SF3B1: variants seen among roughly 807,000 people sequenced by gnomAD.
The protein encoded by SF3B1 is splicing factor 3b subunit 1, also known as pre-mRNA processing 10.
Under a neutral mutation model 153.8 loss-of-function variants are expected in SF3B1, and 12 were observed. The ratio of observed to expected loss-of-function variants is 0.08; its 90% confidence interval spans 0.05 to 0.13. SF3B1 has a LOEUF of 0.13. Among genes scored for constraint, SF3B1 ranks in the 10% least tolerant of loss-of-function variants. The pLI is 1.00. For missense variants in SF3B1, 513 were observed against 1,606.1 expected, an observed-to-expected ratio of 0.32 and a Z score of 11.63; for synonymous variants, 498 against 525.2, an observed-to-expected ratio of 0.95 and a Z score of 0.71.
chr2:197,412,107 CAA>C lies in SF3B1; in HGVS notation c.667-2102_667-2101del, dbSNP rs397987243. Among the ~76,000 whole-genome samples, 386 of 81,710 alleles carry C rather than the reference CAA, an allele frequency of 4.7e-3. 3 individuals are homozygous for C. Among genetic ancestry groups the C allele is most frequent in the African/African-American group, 0.015 (300 of 19,916 alleles). 53.6% of individuals were successfully genotyped at this position (81,710 alleles called of 152,430 possible). A position where few individuals can be genotyped will look rare whatever the true frequency, so the allele number is the denominator to read the frequency against. On this transcript the variant is annotated intron_variant, in intron 6 of 24. Coordinates refer to ENST00000335508, the MANE Select transcript of SF3B1 (RefSeq NM_012433.4). ...CCTGGGTGAGAGTGAGACTCTGTCTCAAAAAAAAAAAAAAAAAAAGATTTTAC... is the reference window on the plus strand; with the variant it reads ...CCTGGGTGAGAGTGAGACTCTGTCTCAAAAAAAAAAAAAAAAAGATTTTAC...
At chr2:197,395,129 T>C (rs2084861367) in intron 23 of SF3B1, among the ~76,000 whole-genome samples, 1 of 152,242 alleles carries the variant, frequency 6.6e-6, no homozygotes, top group Non-Finnish European at 1.5e-5. Context: ...CTTAACTTCT[T>C]AGTACACAGA....
Position 197,423,049 on chromosome 2 carries a change from T to C in SF3B1, c.195+759A>G, listed in dbSNP as rs139193412. On this transcript the variant is annotated intron_variant, in intron 2 of 24. Coordinates refer to ENST00000335508, the MANE Select transcript of SF3B1 (RefSeq NM_012433.4). The stretch of plus-strand genomic sequence containing the variant: ...CAAAATGAAAGGCAGTCCTCCTCCA[T>C]AGGAATTCAAACAGACATGAAAAGC... Among the ~76,000 whole-genome samples the C allele has an allele frequency of 1.4e-3, 207 of 152,196 alleles. 3 individuals are homozygous for C. The East Asian group carries it at 0.037, about 27-fold the overall frequency.
At chr2:197,398,433 TA>T in intron 21 of SF3B1, 27 bp downstream of exon 21, 1 of 1,610,376 alleles carries the variant, frequency 6.2e-7, no homozygotes, top group Middle Eastern at 1.7e-4. Context: ...TGATACTGCT[TA>T]TAAAAATGTG....
chr2:197,414,894 C>T lies in SF3B1; in HGVS notation c.666+1847G>A, dbSNP rs554656174. ...TGGTACGTGTCTATAGTCCCATCTACTTGGGGGGTTGAGGTGGGAAGATCA... is the reference window on the plus strand; with the variant it reads ...TGGTACGTGTCTATAGTCCCATCTATTTGGGGGGTTGAGGTGGGAAGATCA... On this transcript the variant is annotated intron_variant, in intron 6 of 24. Transcript: ENST00000335508. Among the ~76,000 whole-genome samples, 106 of 152,090 alleles carry T rather than the reference C, an allele frequency of 7.0e-4. 1 individual carries two copies. The highest frequency in any genetic ancestry group is 1.1e-3 in the Non-Finnish European group (76 of 67,988).
At position 197,421,206 on chromosome 2, in the gene SF3B1, T is replaced by C. The variant is rs990125294; in HGVS notation, c.196-73A>G. 8 of 973,248 alleles carry C rather than the reference T, an allele frequency of 8.2e-6. No individual in the cohort carries two copies. In the African/African-American group the frequency reaches 1.3e-4, roughly 16 times the overall value. The allele number at this position is 973,248 out of a possible 1,614,324, so 60.3% of individuals were successfully genotyped here. On this transcript the variant is annotated intron_variant, in intron 2 of 24. Coordinates refer to ENST00000335508, the MANE Select transcript of SF3B1 (RefSeq NM_012433.4). ...AAAAATTAGAAAGAATATGCAAAGATTCAAAATGAAATCAAAAGATCTATT... is the reference window on the plus strand; with the variant it reads ...AAAAATTAGAAAGAATATGCAAAGACTCAAAATGAAATCAAAAGATCTATT...
intron 6 of SF3B1, among the ~76,000 whole-genome samples, chr2:197,415,246 C>T (rs1275944307): frequency 6.6e-6 from 1 of 150,604 alleles, no homozygotes; most frequent in African/African-American, 2.4e-5. Flanking sequence ...AAAAGAGTAG[C>T]TTTAATTATT....
Position 197,417,131 on chromosome 2 carries a change from C to T in SF3B1, c.496-220G>A, listed in dbSNP as rs116501816. ...ACAAAAGATAAGCAAGTTCAGAATT[C>T]GTAACATAGCACACTGTAGTTTATA... On this transcript the variant is annotated intron_variant, in intron 5 of 24. Coordinates refer to ENST00000335508, the MANE Select transcript of SF3B1 (RefSeq NM_012433.4). Among the ~76,000 whole-genome samples, 1,007 of 152,198 alleles carry T rather than the reference C, an allele frequency of 6.6e-3. 12 individuals carry two copies. Among genetic ancestry groups the T allele is most frequent in the South Asian group, 0.03 (145 of 4,828 alleles).
intron 23 of SF3B1, among the ~76,000 whole-genome samples, chr2:197,395,597 T>C (rs1181039452): frequency 6.6e-6 from 1 of 152,194 alleles, no homozygotes. Flanking sequence ...GGTCACCATC[T>C]GAAACACCAG....
intron 22 of SF3B1, among the ~76,000 whole-genome samples, chr2:197,397,414 T>C (rs1370438049): frequency 1.3e-5 from 2 of 152,228 alleles, no homozygotes; most frequent in African/African-American, 4.8e-5. Flanking sequence ...TTTAAATTTT[T>C]CTGAAAATGG....
intron 5 of SF3B1, among the ~76,000 whole-genome samples, chr2:197,417,271 T>C (rs139269376): frequency 2.6e-5 from 4 of 152,266 alleles, no homozygotes; most frequent in East Asian, 1.9e-4. Context: ...TGGAACAAGA[T>C]AGAAAAATGG....
chr2:197,432,217 A>G lies in SF3B1; in HGVS notation c.28+2755T>C, dbSNP rs1273453013. ...CCATTTATCAAGCAAAGAATTAGGG[A>G]AAAAACTTTTTCAGCTTTGTGATGT... is the stretch of plus-strand genomic sequence containing the variant. On this transcript the variant is annotated intron_variant, in intron 1 of 24. Coordinates refer to ENST00000335508, the MANE Select transcript of SF3B1 (RefSeq NM_012433.4). 2.6e-5 allele frequency among the ~76,000 whole-genome samples: 4 copies of G among 152,380 alleles called. No individual in the cohort carries two copies. The South Asian group carries it at 6.2e-4, about 24-fold the overall frequency.
At chr2:197,408,624 G>A (rs2105994600) in intron 7 of SF3B1, 43 bp from the exon 8 acceptor site, 1 of 1,192,746 alleles carries the variant, frequency 8.4e-7, no homozygotes, top group Non-Finnish European at 1.2e-6. Flanking sequence ...TTTAATCACT[G>A]TTAAAATAAT....
chr2:197,430,890 T>G (rs1273499593), intron 1 of SF3B1, among the ~76,000 whole-genome samples: 1 of 151,970 alleles, frequency 6.6e-6, no homozygotes, highest in African/African-American at 2.4e-5. Flanking sequence ...ATGTTTGCAG[T>G]CTCAAGCAAT....
In SF3B1 at chr2:197,423,956, C is replaced by T. The variant is rs2106015582; in HGVS notation, c.47G>A (p.Arg16Gln). 2 of 1,610,218 alleles carry T rather than the reference C, an allele frequency of 1.2e-6. No individual in the cohort carries two copies. Among genetic ancestry groups the T allele is most frequent in the Non-Finnish European group, 8.5e-7 (1 of 1,179,134 alleles). The change falls in exon 2 of 25, where the codon CGA (arginine) becomes CAA (glutamine). Residue 16 changes from arginine to glutamine, a missense_variant. Transcript: ENST00000335508. ...AGCTGCCTTCTTGCCTTGAATTTCT[C>T]GAATCTGTGCTTCAATATCTATAAA... ...KTHEDIEAQI[R>Q]EIQGKKAALD...
At chr2:197,410,513 T>TC in intron 6 of SF3B1, among the ~76,000 whole-genome samples, 1 of 147,560 alleles carries the variant, frequency 6.8e-6, no homozygotes, top group Non-Finnish European at 1.5e-5. Flanking sequence ...TTTTTTTTTT[T>TC]TTTTTTTTTT....
intron 6 of SF3B1, among the ~76,000 whole-genome samples, chr2:197,413,521 T>C (rs2085102244): frequency 6.6e-6 from 1 of 152,252 alleles, no homozygotes; most frequent in Non-Finnish European, 1.5e-5. Flanking sequence ...CTAAATTGTT[T>C]AGAAATTATG....
At chr2:197,418,947 G>A (rs1442698254) in intron 4 of SF3B1, 4 of 1,599,208 alleles carry the variant, frequency 2.5e-6, no homozygotes, top group Non-Finnish European at 3.4e-6. Context: ...CAGCAGAATA[G>A]AAGCCTAGAA....
chr2:197,407,809 T>A (rs1472109376), intron 9 of SF3B1, 189 bp downstream of exon 9: 1 of 497,510 alleles, frequency 2.0e-6, no homozygotes, highest in Non-Finnish European at 3.6e-6. Flanking sequence ...TTTCAAAAAG[T>A]AATAAAAGTT....
chr2:197,398,921 A>T, intron 20 of SF3B1: 2 of 542,030 alleles, frequency 3.7e-6, no homozygotes, highest in Non-Finnish European at 3.4e-6. Context: ...TATAAGCCAG[A>T]GGTAAACATG....
Sources: gnomAD v4.1 joint callset for allele counts (sites outside exome capture counted in the v4.1 genomes callset) on GRCh38, gnomAD v4.1.1 for gene constraint, MANE v1.5 for transcripts, NCBI Gene and HGNC (gene_info 2026-07-23, HGNC 2026-07-21) for gene names.